The following DDX46 variants were observed in gnomAD, a reference collection of about 807,000 sequenced individuals.
DDX46 encodes probable ATP-dependent RNA helicase DDX46.
Under a neutral mutation model 134.9 loss-of-function variants are expected in DDX46, and 30 were observed. The observed-to-expected ratio is 0.22, with a 90% CI of 0.17 to 0.30. The LOEUF is 0.30. DDX46 is among the 10% of genes least tolerant of loss of function. The probability of loss-of-function intolerance (pLI) is 1.00; values close to 1 mark genes in which losing one functional copy is unlikely to be tolerated. For synonymous variants in DDX46, 415 were observed against 404.1 expected (o/e 1.03, Z -0.32); for missense variants, 622 against 1,248.7 (o/e 0.50, Z 7.56).
At chr5:134,786,437 T>C (rs1389968817) in intron 11 of DDX46, among the ~76,000 whole-genome samples, 2 of 152,100 alleles carry the variant, frequency 1.3e-5, no homozygotes, top group Non-Finnish European at 2.9e-5. Context: ...TGAGGAAATA[T>C]TCAGAAAGAT....
At position 134,820,847 on chromosome 5, in the gene DDX46, ATCTTT is replaced by A. The variant is rs1203972301; in HGVS notation, c.2977+1860_2977+1864del. Among the ~76,000 whole-genome samples, 392 of 149,188 alleles carry A rather than the reference ATCTTT, an allele frequency of 2.6e-3. 4 individuals are homozygous for A. The highest frequency in any genetic ancestry group is 0.011 in the Middle Eastern group (3 of 278). ...TAACTGCCTTTTTTGTGTTAGAGTA[ATCTTT>A]TCTTTTCTTTTCTTTTTTTTTTTTT... On this transcript the variant is annotated intron_variant, in intron 21 of 22. Coordinates refer to ENST00000452510, the MANE Select transcript of DDX46 (RefSeq NM_001300860.2).
At chr5:134,803,118 C>G (rs1466946860) in intron 15 of DDX46, among the ~76,000 whole-genome samples, 2 of 152,160 alleles carry the variant, frequency 1.3e-5, no homozygotes, top group East Asian at 3.8e-4. Context: ...CTCAGTCTCC[C>G]AAGTAGCTGG....
chr5:134,809,736 C>T (rs915335892), intron 16 of DDX46, among the ~76,000 whole-genome samples: 3 of 145,760 alleles, frequency 2.1e-5, no homozygotes, highest in Non-Finnish European at 4.5e-5. Context: ...TGGCCGGGCG[C>T]GGTGGCTCAC....
chr5:134,766,357 A>G (rs2150129868), intron 2 of DDX46, among the ~76,000 whole-genome samples: 1 of 152,240 alleles, frequency 6.6e-6, no homozygotes, highest in Non-Finnish European at 1.5e-5. Flanking sequence ...TGGGAGTTCG[A>G]GACCAGCCTG....
In DDX46 at chr5:134,830,095, G is replaced by A. The variant is rs1311680813; in HGVS notation, c.*1389G>A. 1 of 146,156 alleles carries A rather than the reference G, an allele frequency of 6.8e-6. No individual in the cohort carries two copies. The highest frequency in any genetic ancestry group is 6.9e-5 in the Admixed American group (1 of 14,444). 9.1% of individuals were successfully genotyped at this position (146,156 alleles called of 1,614,324 possible). A position where few individuals can be genotyped will look rare whatever the true frequency, so the allele number is the denominator to read the frequency against. On this transcript the variant is annotated 3_prime_UTR_variant, in exon 23 of 23. Coordinates refer to ENST00000452510, the MANE Select transcript of DDX46 (RefSeq NM_001300860.2). ...TTTTCAAAAAAGGAATTTTTTTCAG[G>A]AGTTAAATAAAGTCAGTCTTTTATA...
chr5:134,830,280 AGGTTACAGTATACAGGC>A lies in DDX46; in HGVS notation c.*1580_*1596del. ...GTGTTAGGTATTTTAAGTAATTTAA[AGGTTACAGTATACAGGC>A]GGTTAAAGTATACAGGAGGATGTGC... On this transcript the variant is annotated 3_prime_UTR_variant, in exon 23 of 23. Transcript: ENST00000452510. The A allele has an allele frequency of 6.6e-6, 1 of 152,176 alleles. No homozygotes were observed. Among genetic ancestry groups the A allele is most frequent in the African/African-American group, 2.4e-5 (1 of 41,458 alleles). 9.4% of individuals were successfully genotyped at this position (152,176 alleles called of 1,614,324 possible).
intron 2 of DDX46, among the ~76,000 whole-genome samples, chr5:134,765,092 A>G (rs1037800024): frequency 8.1e-5 from 12 of 148,628 alleles, no homozygotes; most frequent in Non-Finnish European, 1.6e-4. Flanking sequence ...TTTTTGAGAC[A>G]GAGTCTCACT....
intron 15 of DDX46, among the ~76,000 whole-genome samples, chr5:134,804,229 G>A (rs772265714): frequency 6.6e-6 from 1 of 152,054 alleles, no homozygotes; most frequent in African/African-American, 2.4e-5. Context: ...GATGTCAGGA[G>A]GTTTATGAGG....
At chr5:134,800,780 A>G (rs915858596) in intron 15 of DDX46, among the ~76,000 whole-genome samples, 1 of 152,100 alleles carries the variant, frequency 6.6e-6, no homozygotes, top group Non-Finnish European at 1.5e-5. Flanking sequence ...GGTTCAAGCG[A>G]TTCTCCTGCC....
intron 15 of DDX46, among the ~76,000 whole-genome samples, chr5:134,806,212 TAA>T (rs376183224): frequency 1.5e-4 from 22 of 142,102 alleles, no homozygotes; most frequent in South Asian, 2.2e-4. Flanking sequence ...ACTCCGTCTT[TAA>T]AAAAAAAAAA....
intron 13 of DDX46, among the ~76,000 whole-genome samples, chr5:134,792,297 A>T (rs943938445): frequency 2.6e-5 from 4 of 152,134 alleles, no homozygotes; most frequent in Non-Finnish European, 5.9e-5. Flanking sequence ...TATTTTTTTC[A>T]TCCCAAGGAG....
At chr5:134,780,658 TATAAA>T in intron 6 of DDX46, 1 of 151,256 alleles carries the variant, frequency 6.6e-6, no homozygotes, top group South Asian at 2.1e-4. Flanking sequence ...ATGGATGTAT[TATAAA>T]ATATAATTAT....
At chr5:134,825,482 GA>G (rs1222336139) in intron 21 of DDX46, among the ~76,000 whole-genome samples, 3 of 152,158 alleles carry the variant, frequency 2.0e-5, no homozygotes, top group Non-Finnish European at 4.4e-5. Flanking sequence ...TCTGGGGACA[GA>G]AAAGTTACTC....
rs111598967 is a variant in DDX46, at chr5:134,773,405, G to A, written c.448-291G>A. Among the ~76,000 whole-genome samples, 560 of 152,262 alleles carry A rather than the reference G, an allele frequency of 3.7e-3. 3 individuals are homozygous for A. The highest frequency in any genetic ancestry group is 0.013 in the African/African-American group (535 of 41,554). On this transcript the variant is annotated intron_variant, in intron 4 of 22. Coordinates refer to ENST00000452510, the MANE Select transcript of DDX46 (RefSeq NM_001300860.2). Reference sequence around the variant, plus strand: ...GTTGTTAGGAAGAAATAAAGTTTATGTGTGCATAATGCTTGTAAGTAAAAT... The same window carrying A: ...GTTGTTAGGAAGAAATAAAGTTTATATGTGCATAATGCTTGTAAGTAAAAT...
chr5:134,788,901 A>G (rs1754423296), intron 12 of DDX46, among the ~76,000 whole-genome samples: 2 of 152,028 alleles, frequency 1.3e-5, no homozygotes, highest in African/African-American at 4.8e-5. Flanking sequence ...CATTAATGAT[A>G]TTTTTGCAAT....
Position 134,817,400 on chromosome 5 carries a change from C to T in DDX46, c.2614-96C>T, listed in dbSNP as rs979462492. Reference sequence around the variant, plus strand: ...AAGGTTTATTTATTAAACTTGCATACAAAGTTAGTAGCTTTTCAGAGAATA... The same window carrying T: ...AAGGTTTATTTATTAAACTTGCATATAAAGTTAGTAGCTTTTCAGAGAATA... On this transcript the variant is annotated intron_variant, in intron 19 of 22. Transcript: ENST00000452510. The T allele has an allele frequency of 4.1e-6, 5 of 1,225,182 alleles. No individual in the cohort carries two copies. The African/African-American group carries it at 7.6e-5, about 19-fold the overall frequency. The allele number at this position is 1,225,182 out of a possible 1,614,324, so 75.9% of individuals were successfully genotyped here.
At chr5:134,798,092 G>A (rs1344174595) in intron 15 of DDX46, among the ~76,000 whole-genome samples, 4 of 152,122 alleles carry the variant, frequency 2.6e-5, no homozygotes, top group East Asian at 3.8e-4. Context: ...GAATACAGGC[G>A]TGAGCCACCG....
intron 15 of DDX46, among the ~76,000 whole-genome samples, chr5:134,797,944 C>T (rs1034538866): frequency 6.6e-6 from 1 of 151,994 alleles, no homozygotes; most frequent in Non-Finnish European, 1.5e-5. Context: ...TCCCCAGTAG[C>T]TGGGATTACA....
At chr5:134,818,809 T>A (rs373365803) in intron 20 of DDX46, 51 bp from the exon 21 acceptor site, 164 of 1,554,524 alleles carry the variant, frequency 1.1e-4, no homozygotes, top group Non-Finnish European at 1.4e-4. Flanking sequence ...ACTCCTGGAT[T>A]TTTTTGTCCT....
Sources: allele counts gnomAD v4.1 joint callset (sites outside exome capture counted in the v4.1 genomes callset), GRCh38; gene constraint gnomAD v4.1.1; transcripts MANE v1.5; gene names NCBI Gene and HGNC (gene_info 2026-07-23, HGNC 2026-07-21).